The following DCLK1 variants were observed in gnomAD, a reference collection of about 807,000 sequenced individuals.
The protein encoded by DCLK1 is doublecortin like kinase 1.
A neutral mutation model predicts 86.2 loss-of-function variants in DCLK1; 16 were observed. That is an observed-to-expected ratio of 0.19 (90% CI 0.13 to 0.28). The LOEUF (loss-of-function observed/expected upper bound fraction) is 0.28. Ranked by LOEUF, DCLK1 falls within the 10% of genes least tolerant of loss-of-function variation. The pLI is 1.00. For synonymous variants in DCLK1, 369 were observed against 370.5 expected (o/e 1.00, Z 0.05); for missense variants, 590 against 940.2 (o/e 0.63, Z 4.87).
intron 3 of DCLK1, among the ~76,000 whole-genome samples, chr13:36,019,846 C>T (rs1215845649): frequency 6.6e-6 from 1 of 152,122 alleles, no homozygotes; most frequent in African/African-American, 2.4e-5. Context: ...TAGTATTACT[C>T]AATGCTATGG....
chr13:35,956,365 A>C (rs1191612650), intron 3 of DCLK1, among the ~76,000 whole-genome samples: 1 of 152,226 alleles, frequency 6.6e-6, no homozygotes, highest in Non-Finnish European at 1.5e-5. Context: ...ATTGCACAAA[A>C]GATTCATGCA....
rs1197016397 is a variant in DCLK1 at position 36,107,378 on chromosome 13, C to T, written c.723+4491G>A. On this transcript the variant is annotated intron_variant, in intron 3 of 16. Coordinates refer to ENST00000360631, the MANE Select transcript of DCLK1 (RefSeq NM_001330071.2). ...TTTTTTTTTGAGACGGGGTCTCACT[C>T]TGTCGCCCAGGCTGGAGTGCAGTGG... Among the ~76,000 whole-genome samples, 5 of 136,292 alleles carry T rather than the reference C, an allele frequency of 3.7e-5. No homozygotes were observed. In the Admixed American group the frequency reaches 4.0e-4, roughly 11 times the overall value. The allele number at this position is 136,292 out of a possible 152,430, so 89.4% of individuals were successfully genotyped here. A position where few individuals can be genotyped will look rare whatever the true frequency, so the allele number is the denominator to read the frequency against.
intron 6 of DCLK1, chr13:35,846,912 C>A (rs774978918): frequency 1.0e-4 from 103 of 985,256 alleles, no homozygotes; most frequent in Admixed American, 1.2e-4. Context: ...CATACAGAAT[C>A]GCCTTACAGG....
chr13:36,056,473 G>C (rs918577876), intron 3 of DCLK1, among the ~76,000 whole-genome samples: 2 of 105,788 alleles, frequency 1.9e-5, no homozygotes, highest in Non-Finnish European at 3.8e-5. Flanking sequence ...TGGTGGGGAG[G>C]GGGGAGGGGG....
chr13:35,835,998 C>A (rs760409677), intron 8 of DCLK1, 35 bp downstream of exon 8: 1 of 1,449,122 alleles, frequency 6.9e-7, no homozygotes, highest in African/African-American at 1.4e-5. Flanking sequence ...CCAAATGTAA[C>A]CTTTAAGGTT....
At chr13:35,993,464 C>A (rs1243539155) in intron 3 of DCLK1, among the ~76,000 whole-genome samples, 1 of 152,134 alleles carries the variant, frequency 6.6e-6, no homozygotes, top group Non-Finnish European at 1.5e-5. Flanking sequence ...CCAAAATCTG[C>A]TGACAGAAGG....
At chr13:35,943,293 C>A (rs113325073) in intron 4 of DCLK1, among the ~76,000 whole-genome samples, 1,937 of 152,228 alleles carry the variant, frequency 0.013, 19 homozygotes, top group Middle Eastern at 0.048. Flanking sequence ...AGGACGGATT[C>A]TTCCCTAGAG....
chr13:35,788,037 A>G, intron 16 of DCLK1: 1 of 657,558 alleles, frequency 1.5e-6, no homozygotes, highest in Middle Eastern at 4.1e-4. Context: ...TAATGGGTGA[A>G]AAAAAGGAAT....
intron 3 of DCLK1, among the ~76,000 whole-genome samples, chr13:35,984,384 C>T (rs1053288308): frequency 1.2e-4 from 18 of 152,230 alleles, no homozygotes; most frequent in African/African-American, 2.9e-4. Context: ...TTGGAGACAA[C>T]ACTGGGTGCC....
chr13:35,812,163 A>G (rs1210090880), intron 11 of DCLK1, among the ~76,000 whole-genome samples: 2 of 152,232 alleles, frequency 1.3e-5, no homozygotes, highest in Non-Finnish European at 2.9e-5. Flanking sequence ...CGATCAAAAC[A>G]AATGGAGCTG....
chr13:35,818,474 A>G (rs2087319114), intron 11 of DCLK1, among the ~76,000 whole-genome samples: 4 of 152,220 alleles, frequency 2.6e-5, no homozygotes, highest in Admixed American at 2.6e-4. Context: ...AAACACTTGA[A>G]CACAGAGTTT....
chr13:35,855,051 C>G (rs1870949213), intron 5 of DCLK1, among the ~76,000 whole-genome samples: 1 of 152,202 alleles, frequency 6.6e-6, no homozygotes, highest in African/African-American at 2.4e-5. Flanking sequence ...TAATAACTCA[C>G]TTCTAGAAAA....
rs138461115 is a variant in DCLK1 at position 35,845,751 on chromosome 13, C to T, written c.1036-6575G>A. ...TTAGACGTTATGTGGTACCATTCTG[C>T]AGTCTCTCAAATATCACTCATTGAT... On this transcript the variant is annotated intron_variant, in intron 6 of 16. Transcript: ENST00000360631. 3.5e-3 allele frequency: 643 copies of T among 184,368 alleles called. 4 individuals carry two copies. Among genetic ancestry groups the T allele is most frequent in the African/African-American group, 0.015 (615 of 42,102 alleles). The allele number at this position is 184,368 out of a possible 1,614,324, so 11.4% of individuals were successfully genotyped here. A position where few individuals can be genotyped will look rare whatever the true frequency, so the allele number is the denominator to read the frequency against.
chr13:35,996,969 G>A (rs989875072), intron 3 of DCLK1, among the ~76,000 whole-genome samples: 5 of 152,162 alleles, frequency 3.3e-5, no homozygotes, highest in Non-Finnish European at 5.9e-5. Flanking sequence ...TACATGCAGT[G>A]AAGCCCTTTA....
intron 1 of DCLK1, among the ~76,000 whole-genome samples, chr13:36,126,385 T>C (rs1050335093): frequency 2.0e-5 from 3 of 152,086 alleles, no homozygotes; most frequent in African/African-American, 7.2e-5. Context: ...AGGTTACAGG[T>C]GCCTGCACCA....
intron 4 of DCLK1, among the ~76,000 whole-genome samples, chr13:35,915,875 TAA>T (rs905427100): frequency 6.6e-6 from 1 of 152,158 alleles, no homozygotes; most frequent in Non-Finnish European, 1.5e-5. Flanking sequence ...TGCCACCAAA[TAA>T]AAAGTGAGGC....
intron 3 of DCLK1, among the ~76,000 whole-genome samples, chr13:36,061,692 C>T (rs1451811823): frequency 2.0e-5 from 3 of 152,106 alleles, no homozygotes; most frequent in East Asian, 1.9e-4. Context: ...AGTGAAATGA[C>T]GAAGTGTGAA....
At chr13:35,944,965 G>C (rs780260900) in intron 4 of DCLK1, among the ~76,000 whole-genome samples, 29 of 152,020 alleles carry the variant, frequency 1.9e-4, no homozygotes, top group Admixed American at 9.8e-4. Context: ...GCAATGGTGC[G>C]ATCTCGGTTC....
chr13:35,983,462 G>A (rs1485977635), intron 3 of DCLK1, among the ~76,000 whole-genome samples: 1 of 152,128 alleles, frequency 6.6e-6, no homozygotes. Context: ...GTGCATGAGT[G>A]GAATCAGGCT....
Sources: allele counts gnomAD v4.1 joint callset (sites outside exome capture counted in the v4.1 genomes callset), GRCh38; gene constraint gnomAD v4.1.1; transcripts MANE v1.5; gene names NCBI Gene and HGNC (gene_info 2026-07-23, HGNC 2026-07-21).